The following SPTBN4 variants were observed in gnomAD, a reference collection of about 807,000 sequenced individuals.
SPTBN4 encodes the protein spectrin beta chain, non-erythrocytic 4.
A neutral mutation model predicts 277.8 loss-of-function variants in SPTBN4; 96 were observed. The observed-to-expected ratio is 0.35, with a 90% CI of 0.29 to 0.41. The LOEUF (loss-of-function observed/expected upper bound fraction) is 0.41. SPTBN4 is among the 10% of genes least tolerant of loss of function. The pLI, the probability that SPTBN4 is intolerant of heterozygous loss-of-function variation, is 1.00. For missense variants in SPTBN4, 3,006 were observed against 3,595.7 expected, an observed-to-expected ratio of 0.84 and a Z score of 4.19; for synonymous variants, 1,481 against 1,580.3, an observed-to-expected ratio of 0.94 and a Z score of 1.49.
At chr19:40,528,950 C>T (rs1009374219) in intron 17 of SPTBN4, 91 bp from the exon 18 acceptor site, 4 of 951,446 alleles carry the variant, frequency 4.2e-6, no homozygotes, top group Non-Finnish European at 6.8e-6. Flanking sequence ...CCCTTCTTCC[C>T]CTACCCAGCC....
intron 4 of SPTBN4, among the ~76,000 whole-genome samples, chr19:40,492,443 G>C (rs992051878): frequency 3.9e-5 from 6 of 152,226 alleles, no homozygotes; most frequent in African/African-American, 1.2e-4. Context: ...TTGTGATTCA[G>C]GAAAAAGGCC....
At chr19:40,530,732 A>C in intron 18 of SPTBN4, 2 of 225,840 alleles carry the variant, frequency 8.9e-6, no homozygotes, top group South Asian at 1.6e-4. Context: ...AGGCGCCCGG[A>C]CCCCCACCCT....
chr19:40,503,047 C>G, intron 11 of SPTBN4, 114 bp downstream of exon 11: 2 of 1,334,314 alleles, frequency 1.5e-6, no homozygotes, highest in Non-Finnish European at 2.0e-6. Flanking sequence ...TTAGATTAGT[C>G]TCCTGGTGAT....
At chr19:40,498,761 C>G (rs1210344689) in intron 7 of SPTBN4, among the ~76,000 whole-genome samples, 5 of 148,036 alleles carry the variant, frequency 3.4e-5, no homozygotes, top group South Asian at 2.2e-4. Context: ...GAGTGCAGTG[C>G]CATGATCTCG....
chr19:40,572,796 TA>T (rs1328996478), intron 35 of SPTBN4, among the ~76,000 whole-genome samples: 4 of 151,724 alleles, frequency 2.6e-5, no homozygotes, highest in South Asian at 2.1e-4. Flanking sequence ...CCGTCTCTAC[TA>T]AAAAATACAA....
Position 40,572,325 on chromosome 19 carries a change from TC to T in SPTBN4, c.7494-10del. 1 of 1,614,114 alleles carries T rather than the reference TC, an allele frequency of 6.2e-7. No homozygotes were observed. The highest frequency in any genetic ancestry group is 8.5e-7 in the Non-Finnish European group (1 of 1,180,022). ...TTCCCCAGATCTCTGAAGTCCTGTG[TC>T]CCTTCCTGCAGGACCCAGGATGGCA... On this transcript the variant is annotated splice_polypyrimidine_tract_variant and intron_variant, in intron 34 of 35. Coordinates refer to ENST00000598249, the MANE Select transcript of SPTBN4 (RefSeq NM_020971.3).
chr19:40,517,732 A>T (rs1180014101), intron 15 of SPTBN4, among the ~76,000 whole-genome samples: 2 of 152,328 alleles, frequency 1.3e-5, no homozygotes, highest in South Asian at 4.1e-4. Context: ...ATGTAGAGAG[A>T]TCTATATGCC....
At chr19:40,528,653 C>CT (rs1032648716) in intron 17 of SPTBN4, among the ~76,000 whole-genome samples, 4 of 152,100 alleles carry the variant, frequency 2.6e-5, no homozygotes, top group African/African-American at 9.7e-5. Flanking sequence ...CTTTTCTCGT[C>CT]TTTTTTTATT....
At chr19:40,512,036 A>C (rs2080396656) in intron 13 of SPTBN4, among the ~76,000 whole-genome samples, 1 of 152,152 alleles carries the variant, frequency 6.6e-6, no homozygotes, top group Non-Finnish European at 1.5e-5. Context: ...AGGCAGGAGA[A>C]TCGCTTAAAC....
intron 19 of SPTBN4, 91 bp from the exon 20 acceptor site, chr19:40,533,989 C>T: frequency 2.1e-6 from 3 of 1,437,994 alleles, no homozygotes; most frequent in African/African-American, 1.4e-5. Context: ...TCACATCCTT[C>T]CCTGTGTCCT....
At chr19:40,483,586 CTT>C (rs1165553132) in intron 2 of SPTBN4, among the ~76,000 whole-genome samples, 1 of 152,054 alleles carries the variant, frequency 6.6e-6, no homozygotes, top group East Asian at 1.9e-4. Context: ...AAGGAAATAT[CTT>C]GTTTGTGTCA....
chr19:40,571,067 TG>T, intron 33 of SPTBN4: 1 of 261,620 alleles, frequency 3.8e-6, no homozygotes, highest in South Asian at 5.3e-5. Flanking sequence ...AGAGCTTAGG[TG>T]GGAACAGAAG....
chr19:40,472,564 T>C, intron 1 of SPTBN4, 43 bp from the exon 2 acceptor site: 2 of 1,519,396 alleles, frequency 1.3e-6, no homozygotes, highest in Non-Finnish European at 1.8e-6. Context: ...CTGTTAGAAA[T>C]GAGACTTGAT....
chr19:40,500,569 C>T lies in SPTBN4; in HGVS notation c.785-1352C>T, dbSNP rs190376218. Among the ~76,000 whole-genome samples, 435 of 152,310 alleles carry T rather than the reference C, an allele frequency of 2.9e-3. 2 individuals are homozygous for T. Among genetic ancestry groups the T allele is most frequent in the African/African-American group, 0.01 (418 of 41,556 alleles). Reference sequence around the variant, plus strand: ...CTATAGTGGCCCACGCCTATAGTCCCAGCACTATGGGAAGCTGAGGCAGGA... The same window carrying T: ...CTATAGTGGCCCACGCCTATAGTCCTAGCACTATGGGAAGCTGAGGCAGGA... On this transcript the variant is annotated intron_variant, in intron 7 of 35. Coordinates refer to ENST00000598249, the MANE Select transcript of SPTBN4 (RefSeq NM_020971.3).
rs1020369488 is a variant in SPTBN4, at chr19:40,568,289, T to G, written c.6956+7T>G. ...GAGGAGACCTGGTCAAGGGGTGAGG[T>G]GCCCGCCTTATGACCAGAAAGTGAG... On this transcript the variant is annotated splice_region_variant and intron_variant, in intron 31 of 35. Transcript: ENST00000598249. The G allele has an allele frequency of 1.3e-6, 2 of 1,595,454 alleles. No homozygotes were observed. Among genetic ancestry groups the G allele is most frequent in the South Asian group, 2.3e-5 (2 of 88,422 alleles).
chr19:40,562,582 C>A (rs2081054087), intron 27 of SPTBN4, among the ~76,000 whole-genome samples: 1 of 147,382 alleles, frequency 6.8e-6, no homozygotes, highest in South Asian at 2.1e-4. Context: ...CACCTGTAAT[C>A]CCAGCATTTT....
chr19:40,492,868 C>A, intron 4 of SPTBN4, 95 bp from the exon 5 acceptor site: 1 of 1,103,862 alleles, frequency 9.1e-7, no homozygotes, highest in South Asian at 1.3e-5. Flanking sequence ...TCTCCTCTGT[C>A]ACCTGCCACC....
intron 27 of SPTBN4, among the ~76,000 whole-genome samples, chr19:40,563,953 A>G (rs1450195254): frequency 6.6e-6 from 1 of 151,922 alleles, no homozygotes. Context: ...AGGCTGAGGC[A>G]GGAGAATTGC....
chr19:40,543,883 C>T (rs1424083884), intron 20 of SPTBN4, among the ~76,000 whole-genome samples: 1 of 152,086 alleles, frequency 6.6e-6, no homozygotes, highest in African/African-American at 2.4e-5. Flanking sequence ...ATTTGCTTTT[C>T]ATGTTTAATT....
Sources: gnomAD v4.1 joint callset for allele counts (sites outside exome capture counted in the v4.1 genomes callset) on GRCh38, gnomAD v4.1.1 for gene constraint, MANE v1.5 for transcripts, NCBI Gene and HGNC (gene_info 2026-07-23, HGNC 2026-07-21) for gene names.